Variants in STX3 observed in about 807,000 individuals in gnomAD.
STX3 encodes the protein syntaxin-3.
A neutral mutation model predicts 40.2 loss-of-function variants in STX3; 19 were observed. The observed-to-expected ratio is 0.47, with a 90% confidence interval of 0.33 to 0.69. STX3 has a LOEUF of 0.69. Among genes scored for constraint, STX3 ranks in the 30% least tolerant of loss-of-function variants. The pLI, the probability that STX3 is intolerant of heterozygous loss-of-function variation, is 0.02. For missense variants in STX3, 364 were observed against 366.7 expected (o/e 0.99, Z 0.06); for synonymous variants, 122 against 132.2 (o/e 0.92, Z 0.53).
At chr11:59,797,237 G>T (rs1416035896) in intron 9 of STX3, 46 bp from the exon 10 acceptor site, 2 of 1,474,544 alleles carry the variant, frequency 1.4e-6, no homozygotes, top group Admixed American at 1.7e-5. Flanking sequence ...TTATTTTTTT[G>T]GTTGTTTGTA....
intron 9 of STX3, among the ~76,000 whole-genome samples, chr11:59,796,690 G>C (rs1391283315): frequency 1.3e-5 from 2 of 152,200 alleles, no homozygotes; most frequent in African/African-American, 4.8e-5. Flanking sequence ...GCTCCTTAGA[G>C]ACCCCACGAT....
intron 1 of STX3, among the ~76,000 whole-genome samples, chr11:59,761,315 G>C (rs1863021839): frequency 6.6e-6 from 1 of 152,166 alleles, no homozygotes; most frequent in African/African-American, 2.4e-5. Flanking sequence ...GTGTCATCCA[G>C]CTTCCCAGGC....
intron 2 of STX3, among the ~76,000 whole-genome samples, chr11:59,785,658 G>GCTAT (rs1229855141): frequency 2.0e-5 from 3 of 152,160 alleles, no homozygotes; most frequent in African/African-American, 2.4e-5. Context: ...AATATGAAGA[G>GCTAT]CTATAATCAG....
intron 2 of STX3, among the ~76,000 whole-genome samples, chr11:59,782,425 A>G (rs1356793482): frequency 6.6e-6 from 1 of 152,204 alleles, no homozygotes; most frequent in East Asian, 1.9e-4. Flanking sequence ...TGTATTTATC[A>G]TTGTCATCAC....
chr11:59,794,539 A>G (rs1433913043), intron 8 of STX3, among the ~76,000 whole-genome samples: 1 of 152,146 alleles, frequency 6.6e-6, no homozygotes, highest in Non-Finnish European at 1.5e-5. Flanking sequence ...ACCATTTCTC[A>G]AGTCCCTCCA....
chr11:59,766,059 TC>T (rs1210157114), intron 1 of STX3, among the ~76,000 whole-genome samples: 9 of 152,152 alleles, frequency 5.9e-5, no homozygotes, highest in Non-Finnish European at 1.0e-4. Context: ...CCCTTTCCCC[TC>T]TGTTATTTCT....
intron 7 of STX3, 81 bp from the exon 8 acceptor site, chr11:59,793,299 C>T: frequency 6.2e-7 from 1 of 1,605,004 alleles, no homozygotes; most frequent in Non-Finnish European, 8.5e-7. Flanking sequence ...CAAGGAGCTC[C>T]CCAGGAGCGT....
chr11:59,770,686 G>A (rs1031616832), intron 1 of STX3, among the ~76,000 whole-genome samples: 14 of 152,098 alleles, frequency 9.2e-5, no homozygotes, highest in Admixed American at 9.2e-4. Context: ...TATTTATTCA[G>A]CTAAAATTGG....
chr11:59,799,426 T>C (rs1865741236), intron 10 of STX3, among the ~76,000 whole-genome samples: 1 of 152,258 alleles, frequency 6.6e-6, no homozygotes, highest in Non-Finnish European at 1.5e-5. Flanking sequence ...GTAAATCTAA[T>C]TTTCAATATG....
rs544207377 is a variant in STX3, at chr11:59,796,073, C to T, written c.786+591C>T. 5.3e-5 allele frequency among the ~76,000 whole-genome samples: 8 copies of T among 152,356 alleles called. No homozygotes were observed. The South Asian group carries it at 6.2e-4, about 12-fold the overall frequency. The stretch of plus-strand genomic sequence containing the variant: ...TCTCTTCATTGTCTTCCACTCCAGG[C>T]GCCCAAGCTCCGCCTCCCTTCTCTT... On this transcript the variant is annotated intron_variant, in intron 9 of 10. Coordinates refer to ENST00000337979, the MANE Select transcript of STX3 (RefSeq NM_004177.5).
Position 59,792,235 on chromosome 11 carries a change from C to T in STX3, c.466+20C>T, listed in dbSNP as rs753432910. On this transcript the variant is annotated intron_variant, in intron 6 of 10. Transcript: ENST00000337979. ...AAATTAGTATGTACTTGAGGTTTGG[C>T]GTGTGCCCTCCACCTTTCCTGCCAC... 14 of 1,603,210 alleles carry T rather than the reference C, an allele frequency of 8.7e-6. No homozygotes were observed. The highest frequency in any genetic ancestry group is 6.7e-5 in the East Asian group (3 of 44,770).
At chr11:59,800,279 G>T (rs970119683) in intron 10 of STX3, 1 of 985,250 alleles carries the variant, frequency 1.0e-6, no homozygotes, top group Non-Finnish European at 1.2e-6. Context: ...TAGACAGTGT[G>T]TTTATATTTC....
chr11:59,787,028 T>C lies in STX3; in HGVS notation c.115-9T>C. The C allele has an allele frequency of 6.2e-7, 1 of 1,612,260 alleles. No individual in the cohort carries two copies. The highest frequency in any genetic ancestry group is 1.1e-5 in the South Asian group (1 of 91,004). ...TTGATGATGAAGGTTATTGTCTTTC[T>C]GATTATAGATTGAGGAAACTCGGCT... On this transcript the variant is annotated splice_polypyrimidine_tract_variant and intron_variant, in intron 2 of 10. Coordinates refer to ENST00000337979, the MANE Select transcript of STX3 (RefSeq NM_004177.5).
chr11:59,757,135 G>C (rs898590340), intron 1 of STX3, among the ~76,000 whole-genome samples: 2 of 152,118 alleles, frequency 1.3e-5, no homozygotes, highest in African/African-American at 4.8e-5. Flanking sequence ...TGTTTTTATA[G>C]ATGGGGAAAC....
chr11:59,755,952 C>T (rs550375528), intron 1 of STX3, among the ~76,000 whole-genome samples: 2 of 152,390 alleles, frequency 1.3e-5, no homozygotes, highest in Admixed American at 1.3e-4. Context: ...CCTTCACCAC[C>T]TGCCCACTGC....
At chr11:59,790,495 G>A (rs1429747081) in intron 4 of STX3, 24 bp from the exon 5 acceptor site, 3 of 1,597,200 alleles carry the variant, frequency 1.9e-6, no homozygotes, top group Admixed American at 3.3e-5. Flanking sequence ...TAGGTTGCAA[G>A]TATAACCTTC....
chr11:59,790,622 A>G lies in STX3; in HGVS notation c.357+36A>G, dbSNP rs747690439. 7 of 1,506,032 alleles carry G rather than the reference A, an allele frequency of 4.6e-6. No homozygotes were observed. In the South Asian group the frequency reaches 6.8e-5, roughly 15 times the overall value. 93.3% of individuals were successfully genotyped at this position (1,506,032 alleles called of 1,614,324 possible). A position where few individuals can be genotyped will look rare whatever the true frequency, so the allele number is the denominator to read the frequency against. On this transcript the variant is annotated intron_variant, in intron 5 of 10. Coordinates refer to ENST00000337979, the MANE Select transcript of STX3 (RefSeq NM_004177.5). ...TCCTGGTCTCATGATTAGCTAGTCC[A>G]ATCTCTTATTGTTTTCCCTTAACTG...
At chr11:59,799,733 T>G in intron 10 of STX3, 3 of 985,466 alleles carry the variant, frequency 3.0e-6, no homozygotes, top group Non-Finnish European at 1.2e-6. Context: ...AGTCAGCTTA[T>G]TACAGCATTG....
chr11:59,778,097 G>A (rs1188082369), intron 2 of STX3, among the ~76,000 whole-genome samples: 4 of 152,158 alleles, frequency 2.6e-5, no homozygotes. Context: ...GCTCAGGGAT[G>A]CAAGGCAAGT....
Sources: allele counts gnomAD v4.1 joint callset (sites outside exome capture counted in the v4.1 genomes callset), GRCh38; gene constraint gnomAD v4.1.1; transcripts MANE v1.5; gene names NCBI Gene and HGNC (gene_info 2026-07-23, HGNC 2026-07-21).